Variants in FRMD6 observed in about 807,000 individuals in gnomAD.
The protein encoded by FRMD6 is FERM domain-containing protein 6.
In FRMD6, 37 loss-of-function variants were observed where a neutral mutation model predicts 73.2. The ratio of observed to expected loss-of-function variants is 0.51; its 90% CI spans 0.39 to 0.66. The LOEUF is 0.66. Among genes scored for constraint, FRMD6 ranks in the 30% least tolerant of loss-of-function variants. The pLI is 0.00. For missense variants in FRMD6, 714 were observed against 780.5 expected, an observed-to-expected ratio of 0.91 and a Z score of 1.02; for synonymous variants, 273 against 282.2, an observed-to-expected ratio of 0.97 and a Z score of 0.33.
chr14:51,632,444 A>G lies in FRMD6; in HGVS notation c.-146-57247A>G, dbSNP rs989346715. 1.6e-4 allele frequency among the ~76,000 whole-genome samples: 25 copies of G among 152,362 alleles called. No homozygotes were observed. In the South Asian group the frequency reaches 1.7e-3, roughly 10 times the overall value. On this transcript the variant is annotated intron_variant, in intron 2 of 14. Coordinates refer to the FRMD6 transcript ENST00000356218. ...CTTTAATACAGTATATTCAATGTGC[A>G]TTATGAGCCTCCAAAAGAGAGATGC...
the FRMD6 span, among the ~76,000 whole-genome samples, chr14:51,453,214 TG>T: frequency 1.3e-4 from 19 of 151,428 alleles, no homozygotes; most frequent in African/African-American, 4.6e-4. Context: ...TCAGGGACCC[TG>T]GGGAGATAAA....
chr14:51,497,011 C>G (rs1883332733), intron 1 of FRMD6, among the ~76,000 whole-genome samples: 1 of 152,152 alleles, frequency 6.6e-6, no homozygotes, highest in African/African-American at 2.4e-5. Flanking sequence ...AACCATACAC[C>G]CACCATACAA....
intron 2 of FRMD6, among the ~76,000 whole-genome samples, chr14:51,635,136 A>C (rs1265248307): frequency 1.3e-5 from 2 of 152,102 alleles, no homozygotes; most frequent in African/African-American, 4.8e-5. Flanking sequence ...TAATTCCAGC[A>C]CTTTGGGAGG....
intron 1 of FRMD6, among the ~76,000 whole-genome samples, chr14:51,666,115 A>C (rs756077812): frequency 4.6e-5 from 7 of 152,220 alleles, no homozygotes; most frequent in Non-Finnish European, 1.0e-4. Context: ...CTTATGTGAA[A>C]TCTACTTCCT....
At chr14:51,641,891 C>G (rs995074732) in intron 2 of FRMD6, among the ~76,000 whole-genome samples, 1 of 151,182 alleles carries the variant, frequency 6.6e-6, no homozygotes, top group Non-Finnish European at 1.5e-5. Flanking sequence ...CCAAAAATAC[C>G]TCCAGACATT....
chr14:51,696,691 T>C (rs999408985), intron 2 of FRMD6, among the ~76,000 whole-genome samples: 7 of 151,122 alleles, frequency 4.6e-5, no homozygotes, highest in South Asian at 2.1e-4. Flanking sequence ...ATGGGAGGAT[T>C]GCTTGAGGTC....
At chr14:51,628,723 C>A (rs1220749068) in intron 2 of FRMD6, among the ~76,000 whole-genome samples, 3 of 140,648 alleles carry the variant, frequency 2.1e-5, no homozygotes, top group African/African-American at 7.9e-5. Context: ...ATCACTTGAA[C>A]CCAGGTGGCA....
the FRMD6 span, among the ~76,000 whole-genome samples, chr14:51,445,426 A>T: frequency 6.6e-6 from 1 of 152,068 alleles, no homozygotes; most frequent in Admixed American, 6.5e-5. Context: ...CAGGTTTCCT[A>T]GTCCATGAGA....
At position 51,587,532 on chromosome 14, in the gene FRMD6, C is replaced by A. The variant is rs997821178; in HGVS notation, c.-147+17122C>A. Among the ~76,000 whole-genome samples, 3 of 152,162 alleles carry A rather than the reference C, an allele frequency of 2.0e-5. No individual in the cohort carries two copies. The South Asian group carries it at 6.3e-4, about 32-fold the overall frequency. ...ATTAAAGATTTATCACTGCTGTTTC[C>A]CGTGGGGGTGTGGTTGAGTAAGGTG... On this transcript the variant is annotated intron_variant, in intron 2 of 14. Transcript: ENST00000356218.
the FRMD6 span, among the ~76,000 whole-genome samples, chr14:51,465,952 C>T: frequency 6.6e-6 from 1 of 152,100 alleles, no homozygotes; most frequent in Admixed American, 6.5e-5. Flanking sequence ...TGCTCCATAT[C>T]CTCACCAGAA....
intron 1 of FRMD6, among the ~76,000 whole-genome samples, chr14:51,672,526 A>C (rs1894081918): frequency 6.6e-6 from 1 of 152,232 alleles, no homozygotes; most frequent in African/African-American, 2.4e-5. Context: ...GACTGCATTG[A>C]CATGGTTAAA....
the FRMD6 span, among the ~76,000 whole-genome samples, chr14:51,405,718 A>G: frequency 1.3e-5 from 2 of 152,046 alleles, no homozygotes; most frequent in Non-Finnish European, 2.9e-5. Context: ...AATTCCTTAT[A>G]GATGCTGGAT....
chr14:51,452,838 A>G, the FRMD6 span, among the ~76,000 whole-genome samples: 1 of 152,216 alleles, frequency 6.6e-6, no homozygotes, highest in Admixed American at 6.5e-5. Flanking sequence ...GTCTCAAAGC[A>G]TGAGCAGTCA....
At chr14:51,528,175 A>G (rs903651581) in intron 1 of FRMD6, among the ~76,000 whole-genome samples, 1 of 152,096 alleles carries the variant, frequency 6.6e-6, no homozygotes, top group South Asian at 2.1e-4. Flanking sequence ...CAAGAAAGAA[A>G]GCAGACTCAG....
At chr14:51,722,194 T>TAGG in intron 12 of FRMD6, 114 bp downstream of exon 12, 2 of 1,063,006 alleles carry the variant, frequency 1.9e-6, no homozygotes, top group Non-Finnish European at 2.8e-6. Flanking sequence ...GAGACTGGAC[T>TAGG]GCACTAAGAG....
chr14:51,636,752 C>T (rs1365215665), intron 2 of FRMD6, among the ~76,000 whole-genome samples: 1 of 152,006 alleles, frequency 6.6e-6, no homozygotes, highest in African/African-American at 2.4e-5. Context: ...CCCGGGGCCA[C>T]GGAGTTGTTG....
At chr14:51,594,060 G>A (rs922298746) in intron 2 of FRMD6, among the ~76,000 whole-genome samples, 1 of 152,138 alleles carries the variant, frequency 6.6e-6, no homozygotes, top group Non-Finnish European at 1.5e-5. Context: ...ATGGAACCTA[G>A]ATGAACTCAC....
At chr14:51,488,572 C>A (rs1461599505), upstream of FRMD6, among the ~76,000 whole-genome samples, 2 of 152,192 alleles carry the variant, frequency 1.3e-5, no homozygotes, top group African/African-American at 4.8e-5. Flanking sequence ...AAACATGGAG[C>A]TTCTATAATG....
At chr14:51,431,540 G>A in the FRMD6 span, among the ~76,000 whole-genome samples, 3 of 152,188 alleles carry the variant, frequency 2.0e-5, no homozygotes, top group African/African-American at 7.2e-5. Context: ...TGCATTGACA[G>A]CACCTCCTTC....
Sources: gnomAD v4.1 joint callset for allele counts (sites outside exome capture counted in the v4.1 genomes callset) on GRCh38, gnomAD v4.1.1 for gene constraint, MANE v1.5 for transcripts, NCBI Gene and HGNC (gene_info 2026-07-23, HGNC 2026-07-21) for gene names.